Variants in SENP1 observed in about 807,000 individuals in gnomAD.
SENP1 encodes the protein SUMO specific peptidase 1, also known as sentrin-specific protease 1.
SENP1 carries 21 observed loss-of-function variants against 93.0 expected under a neutral mutation model. The observed-to-expected ratio is 0.23, with a 90% CI of 0.16 to 0.33. The LOEUF is 0.33. Ranked by LOEUF, SENP1 falls within the 10% of genes least tolerant of loss-of-function variation. SENP1 has a pLI of 1.00. For synonymous variants in SENP1, 256 were observed against 259.6 expected (o/e 0.99, Z 0.13); for missense variants, 591 against 758.7 (o/e 0.78, Z 2.60).
intron 10 of SENP1, among the ~76,000 whole-genome samples, chr12:48,066,244 G>A (rs1172253683): frequency 6.6e-6 from 1 of 151,954 alleles, no homozygotes; most frequent in African/African-American, 2.4e-5. Context: ...TACCGAGACC[G>A]AGGGGTTTGG....
At chr12:48,082,767 T>C (rs1944575201) in intron 6 of SENP1, among the ~76,000 whole-genome samples, 1 of 152,242 alleles carries the variant, frequency 6.6e-6, no homozygotes, top group Non-Finnish European at 1.5e-5. Flanking sequence ...AGAACATCTT[T>C]CTTTTCAGGA....
chr12:48,049,562 C>G (rs1485825646), intron 13 of SENP1, among the ~76,000 whole-genome samples: 1 of 152,156 alleles, frequency 6.6e-6, no homozygotes, highest in Non-Finnish European at 1.5e-5. Context: ...GCTCAGTTAG[C>G]GCCTAGTGTT....
chr12:48,084,961 C>A, intron 5 of SENP1: 1 of 601,776 alleles, frequency 1.7e-6, no homozygotes, highest in Non-Finnish European at 2.9e-6. Flanking sequence ...TCAAACAGTG[C>A]ATAATTCTCT....
At chr12:48,046,260 A>C in intron 17 of SENP1, 96 bp downstream of exon 17, 2 of 765,486 alleles carry the variant, frequency 2.6e-6, no homozygotes, top group Non-Finnish European at 4.7e-6. Flanking sequence ...AGGTTAGGGT[A>C]GAGGCCCCTA....
intron 6 of SENP1, among the ~76,000 whole-genome samples, chr12:48,082,769 T>C (rs1944575568): frequency 6.6e-6 from 1 of 152,226 alleles, no homozygotes; most frequent in African/African-American, 2.4e-5. Context: ...AACATCTTTC[T>C]TTTCAGGAGT....
At chr12:48,054,141 A>G (rs1477309001) in intron 13 of SENP1, among the ~76,000 whole-genome samples, 1 of 152,128 alleles carries the variant, frequency 6.6e-6, no homozygotes, top group East Asian at 1.9e-4. Flanking sequence ...GGTGCATAGG[A>G]TCGATCTACC....
At chr12:48,095,535 C>CAAAAAAAA (rs3054235) in intron 4 of SENP1, among the ~76,000 whole-genome samples, 2 of 85,878 alleles carry the variant, frequency 2.3e-5, no homozygotes, top group East Asian at 3.0e-4. Flanking sequence ...GACTCTGTGT[C>CAAAAAAAA]AAAAAAAAAA....
intron 13 of SENP1, among the ~76,000 whole-genome samples, chr12:48,054,618 C>G (rs1215217071): frequency 6.6e-6 from 1 of 152,034 alleles, no homozygotes; most frequent in Non-Finnish European, 1.5e-5. Context: ...GGTGAAACCC[C>G]ATCTCTACTA....
chr12:48,094,659 GAC>G (rs1945435799), intron 4 of SENP1, among the ~76,000 whole-genome samples: 1 of 152,018 alleles, frequency 6.6e-6, no homozygotes, highest in Admixed American at 6.6e-5. Context: ...TAGCCTGGGT[GAC>G]AGAGCGAGAC....
chr12:48,074,039 C>G (rs979355826), intron 8 of SENP1, among the ~76,000 whole-genome samples: 2 of 152,076 alleles, frequency 1.3e-5, no homozygotes, highest in African/African-American at 4.8e-5. Flanking sequence ...TGGTTGGGAC[C>G]AGGAGTTTCA....
chr12:48,078,334 T>TATATATATATATAC lies in SENP1; in HGVS notation c.553-3542_553-3541insGTATATATATATAT. 5.2e-4 allele frequency among the ~76,000 whole-genome samples: 35 copies of TATATATATATATAC among 67,904 alleles called. 1 individual carries two copies. Among genetic ancestry groups the TATATATATATATAC allele is most frequent in the Non-Finnish European group, 8.7e-4 (29 of 33,470 alleles). The allele number at this position is 67,904 out of a possible 152,430, so 44.5% of individuals were successfully genotyped here. A position where few individuals can be genotyped will look rare whatever the true frequency, so the allele number is the denominator to read the frequency against. ...GTAGGATTTTATATATATATATATA[T>TATATATATATATAC]ACACACACATATATATATACACACA... On this transcript the variant is annotated intron_variant, in intron 6 of 17. Coordinates refer to ENST00000549518, the MANE Select transcript of SENP1 (RefSeq NM_001267594.2).
chr12:48,047,873 G>A (rs1054708705), intron 15 of SENP1, 128 bp downstream of exon 15: 2 of 634,652 alleles, frequency 3.2e-6, no homozygotes, highest in East Asian at 2.8e-5. Context: ...TACAAAATAT[G>A]CATTTTTACT....
In SENP1 at chr12:48,052,968, C is replaced by T. The variant is rs139736110; in HGVS notation, c.1408-3836G>A. On this transcript the variant is annotated intron_variant, in intron 13 of 17. Coordinates refer to ENST00000549518, the MANE Select transcript of SENP1 (RefSeq NM_001267594.2). ...ACTTAACTAATTTATTTCATTTTGC[C>T]TAGTTTTTTTCCTTCTTATGCAATC... Among the ~76,000 whole-genome samples, 500 of 152,266 alleles carry T rather than the reference C, an allele frequency of 3.3e-3. 3 individuals are homozygous for T. Among genetic ancestry groups the T allele is most frequent in the African/African-American group, 0.011 (471 of 41,544 alleles).
At chr12:48,053,019 A>G (rs1941931276) in intron 13 of SENP1, among the ~76,000 whole-genome samples, 1 of 152,192 alleles carries the variant, frequency 6.6e-6, no homozygotes, top group African/African-American at 2.4e-5. Context: ...AGGAAAACCT[A>G]TTCCTAAGGC....
chr12:48,093,741 T>C (rs565100935), intron 4 of SENP1, among the ~76,000 whole-genome samples: 1 of 146,228 alleles, frequency 6.8e-6, no homozygotes, highest in African/African-American at 2.5e-5. Flanking sequence ...AAAAAGAACA[T>C]GTTGACACAT....
intron 13 of SENP1, among the ~76,000 whole-genome samples, chr12:48,050,502 T>C (rs1941716259): frequency 6.6e-6 from 1 of 152,240 alleles, no homozygotes; most frequent in Non-Finnish European, 1.5e-5. Context: ...AGCTGATGAC[T>C]GAGCAACAGG....
chr12:48,046,093 G>GAGGA (rs1440907158), intron 17 of SENP1, among the ~76,000 whole-genome samples: 1 of 152,210 alleles, frequency 6.6e-6, no homozygotes, highest in Non-Finnish European at 1.5e-5. Flanking sequence ...ACAGTAGGTA[G>GAGGA]AGGAGACAGG....
At chr12:48,099,122 G>C (rs1156272064) in intron 2 of SENP1, 2 of 152,024 alleles carry the variant, frequency 1.3e-5, no homozygotes, top group Non-Finnish European at 2.9e-5. Flanking sequence ...AGGAGTTCGA[G>C]ACCAGCCTGG....
In SENP1 at chr12:48,071,651, T is replaced by C. The variant is rs766125966; in HGVS notation, c.995+16A>G. 1.7e-5 allele frequency: 27 copies of C among 1,565,988 alleles called. No individual in the cohort carries two copies. In the South Asian group the frequency reaches 2.9e-4, roughly 17 times the overall value. On this transcript the variant is annotated intron_variant, in intron 9 of 17. Coordinates refer to ENST00000549518, the MANE Select transcript of SENP1 (RefSeq NM_001267594.2). Reference sequence around the variant, plus strand: ...ATTAATTAATTAATAAAGAACAAGCTTTTTCCAAAGTTTACCTGGGAGTTG... The same window carrying C: ...ATTAATTAATTAATAAAGAACAAGCCTTTTCCAAAGTTTACCTGGGAGTTG...
Sources: allele counts gnomAD v4.1 joint callset (sites outside exome capture counted in the v4.1 genomes callset), GRCh38; gene constraint gnomAD v4.1.1; transcripts MANE v1.5; gene names NCBI Gene and HGNC (gene_info 2026-07-23, HGNC 2026-07-21).